The following MB variants were observed in gnomAD, a reference collection of about 807,000 sequenced individuals.
MB encodes the protein nitrite reductase MB.
MB carries 10 observed loss-of-function variants against 14.5 expected under a neutral mutation model. The ratio of observed to expected loss-of-function variants is 0.69; its 90% CI spans 0.43 to 1.17. The LOEUF (loss-of-function observed/expected upper bound fraction) is 1.17, where lower values mean the gene tolerates loss of function less well. MB is among the 50% of genes most tolerant of loss of function. The pLI is 0.00. For synonymous variants in MB, 89 were observed against 78.6 expected (o/e 1.13, Z -0.70); for missense variants, 169 against 192.7 (o/e 0.88, Z 0.73).
At chr22:35,621,413 T>C (rs1296760692), upstream of MB, among the ~76,000 whole-genome samples, 4 of 152,088 alleles carry the variant, frequency 2.6e-5, no homozygotes, top group Non-Finnish European at 5.9e-5. Context: ...AATTCTAGAG[T>C]GTCAAAGTCT....
intron 1 of MB, among the ~76,000 whole-genome samples, chr22:35,615,092 G>A (rs1167449218): frequency 6.6e-6 from 1 of 152,150 alleles, no homozygotes; most frequent in African/African-American, 2.4e-5. Context: ...GTGCAGTGAA[G>A]GCCTCAGTGT....
chr22:35,610,641 T>C (rs1348994887), intron 2 of MB, among the ~76,000 whole-genome samples: 2 of 152,106 alleles, frequency 1.3e-5, no homozygotes, highest in African/African-American at 4.8e-5. Context: ...CTTTCCTCTT[T>C]GGTAATAAGA....
intron 1 of MB, among the ~76,000 whole-genome samples, chr22:35,614,365 A>T (rs1026634462): frequency 2.4e-4 from 37 of 152,166 alleles, no homozygotes; most frequent in African/African-American, 8.4e-4. Context: ...AGGCGGGCAG[A>T]TCACCTGAGG....
chr22:35,612,967 T>A (rs2145917166), intron 1 of MB, among the ~76,000 whole-genome samples: 1 of 152,154 alleles, frequency 6.6e-6, no homozygotes, highest in South Asian at 2.1e-4. Flanking sequence ...CTGAACCACA[T>A]ACACTCCCTT....
intron 2 of MB, among the ~76,000 whole-genome samples, chr22:35,609,941 C>A (rs895930845): frequency 6.6e-6 from 1 of 152,180 alleles, no homozygotes; most frequent in African/African-American, 2.4e-5. Context: ...CTCCTGCTTC[C>A]AGTTGGGAAT....
intron 2 of MB, among the ~76,000 whole-genome samples, chr22:35,607,761 T>C (rs1922270674): frequency 6.6e-6 from 1 of 152,028 alleles, no homozygotes; most frequent in Non-Finnish European, 1.5e-5. Context: ...CTCCACTCCA[T>C]CAGGATGTAG....
rs1248087242 is a variant in MB at position 35,617,209 on chromosome 22, TC to T, written c.48del (p.Lys17ArgfsTer34). On this transcript the variant is annotated frameshift_variant, in exon 1 of 3. Transcript: ENST00000397326. LOFTEE classifies it high-confidence loss of function. ...GEWQLVLNVW[G>X]KVEADIPGHG... ...TGGCCTGGGATGTCAGCCTCCACCT[TC>T]CCCCAGACGTTCAGCACCAACTGCC... 1.2e-6 allele frequency: 2 copies of T among 1,613,918 alleles called. No homozygotes were observed. The highest frequency in any genetic ancestry group is 2.2e-5 in the South Asian group (2 of 91,068).
chr22:35,620,071 C>T (rs551379824), upstream of MB, among the ~76,000 whole-genome samples: 2 of 152,324 alleles, frequency 1.3e-5, no homozygotes, highest in South Asian at 2.1e-4. Flanking sequence ...CGTGGTGGCT[C>T]ACGCCTGTAA....
At chr22:35,621,627 G>A (rs1412034774), upstream of MB, among the ~76,000 whole-genome samples, 4 of 152,136 alleles carry the variant, frequency 2.6e-5, no homozygotes, top group Non-Finnish European at 5.9e-5. Flanking sequence ...GGAGTGGTGA[G>A]CTCACTACCT....
rs1279918412 is a variant in MB at position 35,608,735 on chromosome 22, C to T, written c.319-1292G>A. Among the ~76,000 whole-genome samples the T allele has an allele frequency of 5.3e-5, 8 of 152,218 alleles. No individual in the cohort carries two copies. The highest frequency in any genetic ancestry group is 5.2e-4 in the Admixed American group (8 of 15,286). ...CCCCGACTCCATGTGTGACTTCACCCACCCAGATGGCCTGGTTGGGCCCCC... is the reference window on the plus strand; with the variant it reads ...CCCCGACTCCATGTGTGACTTCACCTACCCAGATGGCCTGGTTGGGCCCCC... On this transcript the variant is annotated intron_variant, in intron 2 of 2. Transcript: ENST00000397326. This position sits in a 1 kb window ranked among gnomAD's most constrained non-coding sequence, Gnocchi z 4.3.
chr22:35,616,392 C>A (rs941955176), intron 1 of MB, among the ~76,000 whole-genome samples: 10 of 152,278 alleles, frequency 6.6e-5, no homozygotes, highest in African/African-American at 2.4e-4. Context: ...ACTTGCAGAC[C>A]ACATCATTCA....
Position 35,617,219 on chromosome 22 carries a change from G to A in MB, c.39C>T (p.Asn13=), listed in dbSNP as rs541287161. The A allele has an allele frequency of 3.2e-5, 51 of 1,614,104 alleles. No individual in the cohort carries two copies. Among genetic ancestry groups the A allele is most frequent in the South Asian group, 4.4e-5 (4 of 91,084 alleles). The part of the protein sequence containing the change: ...LSDGEWQLVL[N]VWGKVEADIP... The stretch of plus-strand genomic sequence containing the variant: ...TGTCAGCCTCCACCTTCCCCCAGAC[G>A]TTCAGCACCAACTGCCATTCCCCGT... The change falls in exon 1 of 3, where the codon AAC becomes AAT. Residue 13 remains asparagine, a synonymous_variant. Coordinates refer to ENST00000397326, the MANE Select transcript of MB (RefSeq NM_005368.3).
intron 1 of MB, among the ~76,000 whole-genome samples, chr22:35,613,090 G>A (rs2145917345): frequency 6.6e-6 from 1 of 152,302 alleles, no homozygotes; most frequent in East Asian, 1.9e-4. Flanking sequence ...TTTCATCCAA[G>A]GGTCCCTGAG....
chr22:35,619,771 T>C (rs544194783), upstream of MB, among the ~76,000 whole-genome samples: 1 of 152,346 alleles, frequency 6.6e-6, no homozygotes, highest in East Asian at 1.9e-4. Context: ...CAGAACGCCC[T>C]CTGTGTGGGT....
upstream of MB, among the ~76,000 whole-genome samples, chr22:35,620,217 C>T (rs1473665920): frequency 6.6e-6 from 1 of 152,136 alleles, no homozygotes; most frequent in Admixed American, 6.5e-5. Context: ...ACCTGTAGTC[C>T]CAGCTACTTG....
intron 1 of MB, among the ~76,000 whole-genome samples, chr22:35,622,902 G>A (rs1923562707): frequency 6.6e-6 from 1 of 152,066 alleles, no homozygotes; most frequent in Non-Finnish European, 1.5e-5. Flanking sequence ...CTCCCACCCC[G>A]CTCTACCCAT....
intron 1 of MB, among the ~76,000 whole-genome samples, chr22:35,616,759 G>A (rs570028235): frequency 6.6e-6 from 1 of 152,294 alleles, no homozygotes; most frequent in South Asian, 2.1e-4. Flanking sequence ...TCTTAACCTT[G>A]ACACTTTAAG....
In MB at chr22:35,608,920, G is replaced by A. The variant is rs2145910783; in HGVS notation, c.319-1477C>T. On this transcript the variant is annotated intron_variant, in intron 2 of 2. Transcript: ENST00000397326. This position sits in a 1 kb window ranked among gnomAD's most constrained non-coding sequence, Gnocchi z 4.3. ...ACAATCTGTCCACAGGTGAGGTGGA[G>A]ACTGTCTTATGAACAGCGCAGAGCG... Among the ~76,000 whole-genome samples the A allele has an allele frequency of 6.6e-6, 1 of 152,336 alleles. No homozygotes were observed. The highest frequency in any genetic ancestry group is 1.9e-4 in the East Asian group (1 of 5,176).
chr22:35,609,961 G>C (rs5750130), intron 2 of MB, among the ~76,000 whole-genome samples: 79,947 of 152,016 alleles, frequency 0.53, 21,675 homozygotes, highest in East Asian at 0.75. Flanking sequence ...TATAGAAGAG[G>C]TGGCTGGAGC....
Sources: gnomAD v4.1 joint callset for allele counts (sites outside exome capture counted in the v4.1 genomes callset) on GRCh38, gnomAD v4.1.1 for gene constraint, Gnocchi (gnomAD v3.1) non-coding constraint, MANE v1.5 for transcripts, NCBI Gene and HGNC (gene_info 2026-07-23, HGNC 2026-07-21) for gene names.